Variants in VIRMA observed in about 807,000 individuals in gnomAD.
VIRMA encodes the protein vir like m6A methyltransferase associated.
Under a neutral mutation model 182.4 loss-of-function variants are expected in VIRMA, and 65 were observed. The observed-to-expected ratio is 0.36, with a 90% CI of 0.29 to 0.44. VIRMA has a LOEUF of 0.44. Ranked by LOEUF, VIRMA falls within the 20% of genes least tolerant of loss-of-function variation. The pLI, the probability that VIRMA is intolerant of heterozygous loss-of-function variation, is 1.00. For missense variants in VIRMA, 1,752 were observed against 2,158.1 expected (o/e 0.81, Z 3.73); for synonymous variants, 709 against 743.1 (o/e 0.95, Z 0.75).
At position 94,517,782 on chromosome 8, in the gene VIRMA, C is replaced by G; in HGVS notation, c.2668+6G>C. 1 of 1,583,528 alleles carries G rather than the reference C, an allele frequency of 6.3e-7. No homozygotes were observed. The highest frequency in any genetic ancestry group is 8.6e-7 in the Non-Finnish European group (1 of 1,160,264). On this transcript the variant is annotated splice_donor_region_variant and intron_variant, in intron 10 of 23. Coordinates refer to ENST00000297591, the MANE Select transcript of VIRMA (RefSeq NM_015496.5). ...CAAATGCTTAAAATAACTTTAAGTA[C>G]CATACCTTGCAATTTAGCATTATTT...
At chr8:94,549,438 A>G (rs890147325) in intron 1 of VIRMA, among the ~76,000 whole-genome samples, 14 of 152,156 alleles carry the variant, frequency 9.2e-5, no homozygotes, top group Non-Finnish European at 1.0e-4. Context: ...CAGATTCTCA[A>G]CTTCCTATGG....
chr8:94,511,165 A>G lies in VIRMA; in HGVS notation c.3390+20T>C. 6.2e-7 allele frequency: 1 copy of G among 1,602,654 alleles called. No individual in the cohort carries two copies. The highest frequency in any genetic ancestry group is 8.5e-7 in the Non-Finnish European group (1 of 1,177,370). On this transcript the variant is annotated intron_variant, in intron 13 of 23. Transcript: ENST00000297591. The stretch of plus-strand genomic sequence containing the variant: ...GTTACTGCAGTCATTTATAAGATGC[A>G]TGTTATATGGAAGTGATACCTGAGT...
In VIRMA at chr8:94,510,493, A is replaced by G. The variant is rs755159412; in HGVS notation, c.3550T>C (p.Leu1184=). The G allele has an allele frequency of 2.5e-6, 4 of 1,614,160 alleles. No individual in the cohort carries two copies. In the South Asian group the frequency reaches 4.4e-5, roughly 18 times the overall value. Residue 1184 remains leucine, a synonymous_variant, in exon 14 of 24, where the codon TTG becomes CTG. Coordinates refer to ENST00000297591, the MANE Select transcript of VIRMA (RefSeq NM_015496.5). ...GCAGTTGGTGAGGCAAGGTCACACAATTGAACACAAATACGCCGTAACATA... is the reference window on the plus strand; with the variant it reads ...GCAGTTGGTGAGGCAAGGTCACACAGTTGAACACAAATACGCCGTAACATA... ...QHMLRRICVQ[L]CDLASPTALL... is the part of the protein sequence containing the mutation.
chr8:94,552,446 C>A (rs201968006), intron 1 of VIRMA, among the ~76,000 whole-genome samples: 2 of 152,118 alleles, frequency 1.3e-5, no homozygotes, highest in East Asian at 3.8e-4. Context: ...GAAATTATAT[C>A]TGTCCTCAAA....
intron 4 of VIRMA, among the ~76,000 whole-genome samples, chr8:94,536,016 TGAA>T (rs1247835791): frequency 6.6e-6 from 1 of 152,158 alleles, no homozygotes; most frequent in Non-Finnish European, 1.5e-5. Context: ...CCAGAGCATG[TGAA>T]GAAGAGCCTG....
chr8:94,553,250 C>T (rs980134778), intron 1 of VIRMA, 135 bp downstream of exon 1: 13 of 854,742 alleles, frequency 1.5e-5, no homozygotes, highest in Non-Finnish European at 2.5e-5. Context: ...TCACACAGCT[C>T]GGGGGAGGGT....
intron 16 of VIRMA, among the ~76,000 whole-genome samples, chr8:94,502,973 T>C (rs1223365873): frequency 6.6e-6 from 1 of 152,110 alleles, no homozygotes. Flanking sequence ...TAGTATTGAA[T>C]TATATACAAT....
intron 8 of VIRMA, 49 bp downstream of exon 8, chr8:94,526,174 T>C: frequency 7.1e-7 from 1 of 1,405,892 alleles, no homozygotes; most frequent in Non-Finnish European, 9.7e-7. Context: ...CATAAAATTG[T>C]CTCCAATGAT....
chr8:94,517,417 G>A (rs1288989485), intron 10 of VIRMA, among the ~76,000 whole-genome samples: 1 of 152,286 alleles, frequency 6.6e-6, no homozygotes, highest in African/African-American at 2.4e-5. Context: ...TGGTCACGCT[G>A]GTCTTGAACT....
chr8:94,519,785 T>C (rs1029154115), intron 8 of VIRMA, among the ~76,000 whole-genome samples: 3 of 152,226 alleles, frequency 2.0e-5, no homozygotes, highest in Admixed American at 2.0e-4. Flanking sequence ...TTTTTCACCA[T>C]GGTCCTACTT....
At chr8:94,551,277 T>C (rs569072764) in intron 1 of VIRMA, among the ~76,000 whole-genome samples, 2 of 152,370 alleles carry the variant, frequency 1.3e-5, no homozygotes, top group African/African-American at 2.4e-5. Flanking sequence ...TTCTGAAATC[T>C]TGTATCTTTT....
At chr8:94,493,547 A>G (rs1342692617) in intron 20 of VIRMA, among the ~76,000 whole-genome samples, 1 of 152,252 alleles carries the variant, frequency 6.6e-6, no homozygotes, top group Non-Finnish European at 1.5e-5. Context: ...CAACAGGCAC[A>G]TGAGGCTACT....
At chr8:94,505,611 T>C (rs1814127834) in intron 16 of VIRMA, among the ~76,000 whole-genome samples, 1 of 152,034 alleles carries the variant, frequency 6.6e-6, no homozygotes, top group Non-Finnish European at 1.5e-5. Flanking sequence ...GCTTCCCAAG[T>C]AGTTGGGACT....
chr8:94,511,729 C>T lies in VIRMA; in HGVS notation c.2846G>A (p.Gly949Asp), dbSNP rs778168838. 1 of 1,608,752 alleles carries T rather than the reference C, an allele frequency of 6.2e-7. No individual in the cohort carries two copies. Among genetic ancestry groups the T allele is most frequent in the East Asian group, 2.2e-5 (1 of 44,812 alleles). ...ATTCCATTTCAGATCTTTCTGTTGACCTTTATATAGGATAAGAAAAAGAAA... is the reference window on the plus strand; with the variant it reads ...ATTCCATTTCAGATCTTTCTGTTGATCTTTATATAGGATAAGAAAAAGAAA... Reference protein sequence around the residue: ...NVACPPPPVEGQQKDLKWNLA... With the variant: ...NVACPPPPVEDQQKDLKWNLA... Residue 949 changes from glycine (G) to aspartate (D), a missense_variant and splice_region_variant, in exon 13 of 24, where the codon GGT (glycine) becomes GAT (aspartate). Gly to Asp is a moderately conservative substitution (Grantham distance 94). This residue lies in a region of VIRMA where 777 missense variants were observed against 920.6 expected (regional missense o/e 0.84). Coordinates refer to ENST00000297591, the MANE Select transcript of VIRMA (RefSeq NM_015496.5).
At chr8:94,495,647 G>T in intron 19 of VIRMA, 84 bp downstream of exon 19, 1 of 1,135,728 alleles carries the variant, frequency 8.8e-7, no homozygotes, top group Non-Finnish European at 1.2e-6. Context: ...GCCCTTTATA[G>T]AAAAAAACGT....
intron 21 of VIRMA, 91 bp downstream of exon 21, chr8:94,492,561 C>A: frequency 8.8e-7 from 1 of 1,133,894 alleles, no homozygotes; most frequent in Non-Finnish European, 1.3e-6. Context: ...CGTGAGCCAC[C>A]GCGCTCGGCC....
intron 6 of VIRMA, among the ~76,000 whole-genome samples, chr8:94,530,562 C>G (rs758861210): frequency 7.9e-5 from 12 of 151,730 alleles, no homozygotes; most frequent in Non-Finnish European, 1.5e-4. Flanking sequence ...AAATACTGCA[C>G]AGCATGGGGG....
intron 9 of VIRMA, 76 bp from the exon 10 acceptor site, chr8:94,518,018 A>G (rs1586086558): frequency 8.8e-7 from 1 of 1,142,508 alleles, no homozygotes; most frequent in East Asian, 2.5e-5. Context: ...ATTTTCTTCT[A>G]CTTGGCTTTA....
chr8:94,502,082 GATTA>G (rs1283930703), intron 16 of VIRMA, among the ~76,000 whole-genome samples: 7 of 152,136 alleles, frequency 4.6e-5, no homozygotes, highest in African/African-American at 9.7e-5. Flanking sequence ...TTAGGTCTAT[GATTA>G]ATTGTTTTAT....
Sources: gnomAD v4.1 joint callset for allele counts (sites outside exome capture counted in the v4.1 genomes callset) on GRCh38, gnomAD v4.1.1 for gene constraint, gnomAD v4.1.1 regional missense constraint, MANE v1.5 for transcripts, NCBI Gene and HGNC (gene_info 2026-07-23, HGNC 2026-07-21) for gene names.